The following ZNF502 variants were observed in gnomAD, a reference collection of about 807,000 sequenced individuals.
The protein encoded by ZNF502 is zinc finger protein 502.
Under a neutral mutation model 43.6 loss-of-function variants are expected in ZNF502, and 29 were observed. The ratio of observed to expected loss-of-function variants is 0.67; its 90% confidence interval spans 0.50 to 0.91. The LOEUF is 0.91. Ranked by LOEUF, ZNF502 falls within the 40% of genes least tolerant of loss-of-function variation. ZNF502 has a pLI of 0.00. For missense variants in ZNF502, 591 were observed against 647.2 expected (o/e 0.91, Z 0.94); for synonymous variants, 171 against 207.4 (o/e 0.82, Z 1.51).
Position 44,720,244 on chromosome 3 carries a change from C to A in ZNF502, c.-18C>A, listed in dbSNP as rs150766017. 2.9e-5 allele frequency: 47 copies of A among 1,613,802 alleles called. No homozygotes were observed. Among genetic ancestry groups the A allele is most frequent in the Non-Finnish European group, 3.7e-5 (44 of 1,179,922 alleles). ...GACCTGAAGTGTTTTCCAATCAAAG[C>A]GAAGAGACGATCTGTGGATGTTGAA... is the stretch of plus-strand genomic sequence containing the variant. On this transcript the variant is annotated 5_prime_UTR_variant, in exon 2 of 3. Coordinates refer to ENST00000436624, the MANE Select transcript of ZNF502 (RefSeq NM_001134442.3).
intron 1 of ZNF502, among the ~76,000 whole-genome samples, chr3:44,718,032 C>G (rs116567627): frequency 0.014 from 2,124 of 152,252 alleles, 31 homozygotes; most frequent in African/African-American, 0.03. Context: ...ATCTGTTACT[C>G]CTGTGATTTC....
rs768289685 is a variant in ZNF502 at position 44,721,749 on chromosome 3, C to T, written c.932C>T (p.Thr311Met). 235 of 1,612,294 alleles carry T rather than the reference C, an allele frequency of 1.5e-4. No homozygotes were observed. The highest frequency in any genetic ancestry group is 1.7e-4 in the Non-Finnish European group (195 of 1,179,044). Residue 311 changes from threonine (T) to methionine (M), a missense_variant, in exon 3 of 3, where the codon ACG (threonine) becomes ATG (methionine). Physicochemically the swap from Thr to Met is moderately conservative, Grantham distance 81 (BLOSUM62 -1). Transcript: ENST00000436624. ...TCTTTTCGAAAACACTCAAATCTTA[C>T]GCAACATCAGAGAATTCACACTGGG... ...GSSFRKHSNL[T>M]QHQRIHTGEK...
chr3:44,715,584 A>G (rs1704123781), intron 1 of ZNF502, among the ~76,000 whole-genome samples: 1 of 152,192 alleles, frequency 6.6e-6, no homozygotes, highest in South Asian at 2.1e-4. Context: ...ATTCTTATAG[A>G]TTTGTTTTTT....
At position 44,722,180 on chromosome 3, in the gene ZNF502, A is replaced by G; in HGVS notation, c.1363A>G (p.Arg455Gly). The G allele has an allele frequency of 1.9e-6, 3 of 1,614,244 alleles. No individual in the cohort carries two copies. The highest frequency in any genetic ancestry group is 2.2e-5 in the East Asian group (1 of 44,888). ...GAACACCTGCCTCACTCAGCATATG[A>G]GAATTCATACTGGAGAGAAGCCCTA... ...NQNTCLTQHMRIHTGEKPYKC... is the reference protein window; with the variant it reads ...NQNTCLTQHMGIHTGEKPYKC... The change falls in exon 3 of 3, where the codon AGA becomes GGA. Residue 455 changes from arginine to glycine, a missense_variant. Physicochemically the swap from Arg to Gly is moderately radical, Grantham distance 125. Transcript: ENST00000436624.
chr3:44,722,238 A>C lies in ZNF502; in HGVS notation c.1421A>C (p.His474Pro). 2.5e-6 allele frequency: 4 copies of C among 1,614,228 alleles called. No individual in the cohort carries two copies. The highest frequency in any genetic ancestry group is 3.4e-6 in the Non-Finnish European group (4 of 1,180,038). Reference sequence around the variant, plus strand: ...AAAGAATGTGGGAAAGCCTTTGCTCATAGCTCATCTCTTACTGAACATCAT... The same window carrying C: ...AAAGAATGTGGGAAAGCCTTTGCTCCTAGCTCATCTCTTACTGAACATCAT... ...KCKECGKAFA[H>P]SSSLTEHHRT... is the part of the protein sequence containing the mutation. Residue 474 changes from histidine (H) to proline (P), a missense_variant, in exon 3 of 3, where the codon CAT becomes CCT. Transcript: ENST00000436624.
At position 44,721,580 on chromosome 3, in the gene ZNF502, A is replaced by G. The variant is rs112101988; in HGVS notation, c.763A>G (p.Thr255Ala). Residue 255 changes from threonine (T) to alanine (A), a missense_variant, in exon 3 of 3, where the codon ACT becomes GCT. Physicochemically the swap from Thr to Ala is moderately conservative, Grantham distance 58. Transcript: ENST00000436624. ...TTCCTTCCGCAATCACTCACATCTC[A>G]CTGAACACCAGAGAATTCACACTGG... is the stretch of plus-strand genomic sequence containing the variant. ...GNSFRNHSHL[T>A]EHQRIHTGEK... 1 of 1,607,640 alleles carries G rather than the reference A, an allele frequency of 6.2e-7. No individual in the cohort carries two copies. Among genetic ancestry groups the G allele is most frequent in the Non-Finnish European group, 8.5e-7 (1 of 1,176,086 alleles).
rs1704306009 is a variant in ZNF502 at position 44,721,027 on chromosome 3, G to A, written c.210G>A (p.Arg70=). The A allele has an allele frequency of 6.2e-7, 1 of 1,613,968 alleles. No individual in the cohort carries two copies. Among genetic ancestry groups the A allele is most frequent in the African/African-American group, 1.3e-5 (1 of 74,906 alleles). Residue 70 remains arginine, a synonymous_variant, in exon 3 of 3, where the codon AGG becomes AGA. Transcript: ENST00000436624. Reference sequence around the variant, plus strand: ...AGGGCATGAAGGAAAACTCTCCTAGGGAGATTGCTGAATCATGCCTTTTCC... The same window carrying A: ...AGGGCATGAAGGAAAACTCTCCTAGAGAGATTGCTGAATCATGCCTTTTCC... The part of the protein sequence containing the change: ...ACEGMKENSP[R]EIAESCLFQE...
chr3:44,714,217 A>T (rs780112826), intron 1 of ZNF502, among the ~76,000 whole-genome samples: 2 of 152,216 alleles, frequency 1.3e-5, no homozygotes, highest in South Asian at 2.1e-4. Context: ...GGTTAGCAGG[A>T]TAGGGCTATT....
intron 1 of ZNF502, among the ~76,000 whole-genome samples, chr3:44,716,176 A>G (rs1186290303): frequency 6.6e-6 from 1 of 151,968 alleles, no homozygotes; most frequent in Non-Finnish European, 1.5e-5. Flanking sequence ...TTACTAGGTC[A>G]AAGAATATAG....
At chr3:44,718,591 C>G (rs1704212683) in intron 1 of ZNF502, among the ~76,000 whole-genome samples, 1 of 152,130 alleles carries the variant, frequency 6.6e-6, no homozygotes, top group Non-Finnish European at 1.5e-5. Flanking sequence ...TACTATGTTT[C>G]CTTTATTCCT....
chr3:44,721,083 TC>T lies in ZNF502; in HGVS notation c.268del (p.His90ThrfsTer21). 1 of 1,614,110 alleles carries T rather than the reference TC, an allele frequency of 6.2e-7. No individual in the cohort carries two copies. Among genetic ancestry groups the T allele is most frequent in the Non-Finnish European group, 8.5e-7 (1 of 1,179,992 alleles). Reference protein sequence around the residue: ...QEGGFGRITFIHKEAPPEIIS... With the variant: ...QEGGFGRITFXHKEAPPEIIS... Reference sequence around the variant, plus strand: ...GGAGGTTTTGGGAGAATAACTTTCATCCACAAAGAAGCACCCCCTGAAATTA... The same window carrying T: ...GGAGGTTTTGGGAGAATAACTTTCATCACAAAGAAGCACCCCCTGAAATTA... On this transcript the variant is annotated frameshift_variant, in exon 3 of 3. Coordinates refer to ENST00000436624, the MANE Select transcript of ZNF502 (RefSeq NM_001134442.3). LOFTEE classifies it high-confidence loss of function.
Position 44,721,985 on chromosome 3 carries a change from C to T in ZNF502, c.1168C>T (p.Gln390Ter), listed in dbSNP as rs1704361293. 6.2e-7 allele frequency: 1 copy of T among 1,614,196 alleles called. No individual in the cohort carries two copies. The highest frequency in any genetic ancestry group is 8.5e-7 in the Non-Finnish European group (1 of 1,180,038). Residue 390 changes from glutamine to a stop codon, truncating the protein, a stop_gained, in exon 3 of 3, where the codon CAG (glutamine) becomes TAG (stop). Transcript: ENST00000436624. LOFTEE classifies it high-confidence loss of function. ...KCKECGKAFT[Q>*]STPLTKHQRI... The stretch of plus-strand genomic sequence containing the variant: ...TAAAGAATGTGGCAAAGCGTTTACT[C>T]AGAGCACCCCACTCACTAAACATCA...
rs776024181 is a variant in ZNF502 at position 44,721,074 on chromosome 3, T to C, written c.257T>C (p.Ile86Thr). The C allele has an allele frequency of 6.2e-7, 1 of 1,614,098 alleles. No individual in the cohort carries two copies. Among genetic ancestry groups the C allele is most frequent in the South Asian group, 1.1e-5 (1 of 91,084 alleles). Residue 86 changes from isoleucine to threonine, a missense_variant, in exon 3 of 3, where the codon ATA becomes ACA. Physicochemically the swap from Ile to Thr is moderately conservative, Grantham distance 89. Transcript: ENST00000436624. ...TTCCAGGAAGGAGGTTTTGGGAGAA[T>C]AACTTTCATCCACAAAGAAGCACCC... ...CLFQEGGFGRITFIHKEAPPE... is the reference protein window; with the variant it reads ...CLFQEGGFGRTTFIHKEAPPE...
intron 1 of ZNF502, among the ~76,000 whole-genome samples, chr3:44,717,067 C>T (rs1704163804): frequency 6.6e-6 from 1 of 151,994 alleles, no homozygotes; most frequent in South Asian, 2.1e-4. Flanking sequence ...TTGTCCTATC[C>T]ATTTTGCATC....
rs945579701 is a variant in ZNF502, at chr3:44,718,973, T to A, written c.-59-1230T>A. On this transcript the variant is annotated intron_variant, in intron 1 of 2. Coordinates refer to ENST00000436624, the MANE Select transcript of ZNF502 (RefSeq NM_001134442.3). ...ATCAGGAAAACCAGGTAGGATCATC[T>A]TCTTTTTTTTTTTTTTTTGAGATGG... 7.1e-5 allele frequency among the ~76,000 whole-genome samples: 8 copies of A among 112,224 alleles called. No individual in the cohort carries two copies. In the South Asian group the frequency reaches 2.7e-3, roughly 37 times the overall value. 73.6% of individuals were successfully genotyped at this position (112,224 alleles called of 152,430 possible). A position where few individuals can be genotyped will look rare whatever the true frequency, so the allele number is the denominator to read the frequency against.
rs757077664 is a variant in ZNF502 at position 44,722,284 on chromosome 3, G to A, written c.1467G>A (p.Lys489=). 29 of 1,614,120 alleles carry A rather than the reference G, an allele frequency of 1.8e-5. No individual in the cohort carries two copies. In the Middle Eastern group the frequency reaches 3.1e-3, roughly 174 times the overall value. Residue 489 remains lysine, a synonymous_variant, in exon 3 of 3, where the codon AAG becomes AAA. Coordinates refer to ENST00000436624, the MANE Select transcript of ZNF502 (RefSeq NM_001134442.3). ...TEHHRTHTGE[K]LYKCSECEKT... Reference sequence around the variant, plus strand: ...ATCATAGAACTCACACTGGTGAGAAGCTCTATAAATGTAGTGAGTGTGAGA... The same window carrying A: ...ATCATAGAACTCACACTGGTGAGAAACTCTATAAATGTAGTGAGTGTGAGA...
intron 1 of ZNF502, among the ~76,000 whole-genome samples, chr3:44,719,150 T>C (rs1033974332): frequency 2.6e-5 from 4 of 152,112 alleles, no homozygotes; most frequent in Admixed American, 6.5e-5. Flanking sequence ...ATTTTTGTAT[T>C]CTTATAGAGA....
intron 2 of ZNF502, 84 bp from the exon 3 acceptor site, chr3:44,720,789 T>C: frequency 4.0e-6 from 6 of 1,488,778 alleles, no homozygotes; most frequent in Non-Finnish European, 5.4e-6. Context: ...ATTACTGAGG[T>C]CTGCCAAAAG....
At chr3:44,713,988 C>T (rs550202431) in intron 1 of ZNF502, among the ~76,000 whole-genome samples, 159 of 152,254 alleles carry the variant, frequency 1.0e-3, no homozygotes, top group African/African-American at 3.6e-3. Context: ...AGTGTACTGC[C>T]ACAGCTTGGG....
Sources: allele counts gnomAD v4.1 joint callset (sites outside exome capture counted in the v4.1 genomes callset), GRCh38; gene constraint gnomAD v4.1.1; transcripts MANE v1.5; gene names NCBI Gene and HGNC (gene_info 2026-07-23, HGNC 2026-07-21).